The following SPAG16 variants were observed in gnomAD, a reference collection of about 807,000 sequenced individuals.
SPAG16 encodes sperm associated antigen 16, also known as sperm-associated antigen 16 protein.
SPAG16 carries 86 observed loss-of-function variants against 80.4 expected under a neutral mutation model. That is an observed-to-expected ratio of 1.07 (90% confidence interval 0.90 to 1.28). The LOEUF (loss-of-function observed/expected upper bound fraction) is 1.28, where lower values mean the gene tolerates loss of function less well. Ranked by LOEUF, SPAG16 falls within the 50% of genes most tolerant of loss-of-function variation. SPAG16 has a pLI of 0.00. For synonymous variants in SPAG16, 294 were observed against 265.9 expected (o/e 1.11, Z -1.03); for missense variants, 870 against 765.3 (o/e 1.14, Z -1.61).
rs548095390 is a variant in SPAG16, at chr2:213,469,481, C to T, written c.943-20482C>T. Among the ~76,000 whole-genome samples, 594 of 151,550 alleles carry T rather than the reference C, an allele frequency of 3.9e-3. 4 individuals carry two copies. Among genetic ancestry groups the T allele is most frequent in the Non-Finnish European group, 4.7e-3 (320 of 67,916 alleles). On this transcript the variant is annotated intron_variant, in intron 9 of 15. Transcript: ENST00000331683. Reference sequence around the variant, plus strand: ...ACAATTACAGTCCTCATTTCTGCAGCTGGTCATGTGGTCATAGCTGGTATT... The same window carrying T: ...ACAATTACAGTCCTCATTTCTGCAGTTGGTCATGTGGTCATAGCTGGTATT...
chr2:214,409,193 A>G (rs966130581), intron 15 of SPAG16, among the ~76,000 whole-genome samples: 5 of 151,916 alleles, frequency 3.3e-5, no homozygotes, highest in Admixed American at 6.6e-5. Flanking sequence ...CATATCAAGC[A>G]CTAAATATAG....
intron 5 of SPAG16, among the ~76,000 whole-genome samples, chr2:213,321,310 C>G (rs146000594): frequency 1.3e-5 from 2 of 151,904 alleles, no homozygotes; most frequent in Non-Finnish European, 2.9e-5. Flanking sequence ...TCTTAAAGTT[C>G]AAATACCTGG....
At chr2:213,755,225 C>A (rs1447228000) in intron 10 of SPAG16, among the ~76,000 whole-genome samples, 1 of 152,072 alleles carries the variant, frequency 6.6e-6, no homozygotes, top group African/African-American at 2.4e-5. Flanking sequence ...CCAGGGTTAT[C>A]AATCCATGCA....
At chr2:214,047,733 A>G (rs1411563269) in intron 13 of SPAG16, among the ~76,000 whole-genome samples, 1 of 152,214 alleles carries the variant, frequency 6.6e-6, no homozygotes, top group Non-Finnish European at 1.5e-5. Flanking sequence ...AGCAAAGGAA[A>G]TAATCAAAGT....
chr2:213,370,179 C>G (rs906822065), intron 8 of SPAG16, among the ~76,000 whole-genome samples: 5 of 152,286 alleles, frequency 3.3e-5, no homozygotes, highest in African/African-American at 1.2e-4. Context: ...ACAATACAAG[C>G]AATCTCACTT....
intron 10 of SPAG16, among the ~76,000 whole-genome samples, chr2:213,706,410 A>G (rs2065754622): frequency 6.6e-6 from 1 of 152,244 alleles, no homozygotes; most frequent in Non-Finnish European, 1.5e-5. Flanking sequence ...GAATTCAAAC[A>G]TATTTATCAT....
At chr2:214,022,249 G>A (rs1046203178) in intron 13 of SPAG16, among the ~76,000 whole-genome samples, 13 of 151,888 alleles carry the variant, frequency 8.6e-5, no homozygotes, top group Middle Eastern at 3.4e-3. Flanking sequence ...ATCAATGTAC[G>A]TAATTGCATT....
At chr2:213,979,824 A>C (rs2045603703) in intron 12 of SPAG16, among the ~76,000 whole-genome samples, 1 of 152,066 alleles carries the variant, frequency 6.6e-6, no homozygotes, top group Non-Finnish European at 1.5e-5. Context: ...TCTGCTATGT[A>C]TAGTACTGTT....
chr2:214,066,427 C>G (rs1336234477), intron 13 of SPAG16, among the ~76,000 whole-genome samples: 28 of 152,116 alleles, frequency 1.8e-4, no homozygotes, highest in Non-Finnish European at 4.0e-4. Flanking sequence ...CCTAGTCTCC[C>G]CTATTTTACT....
At chr2:214,145,582 G>A (rs1388419883) in intron 14 of SPAG16, among the ~76,000 whole-genome samples, 2 of 152,040 alleles carry the variant, frequency 1.3e-5, no homozygotes, top group Non-Finnish European at 2.9e-5. Context: ...TTAACTTCAT[G>A]TCTATATGGT....
At chr2:214,076,696 T>C (rs924136228) in intron 13 of SPAG16, among the ~76,000 whole-genome samples, 14 of 152,100 alleles carry the variant, frequency 9.2e-5, no homozygotes, top group African/African-American at 3.4e-4. Flanking sequence ...GTAGTTCTTA[T>C]TATAGAATGT....
At chr2:213,659,866 A>G (rs563209568) in intron 10 of SPAG16, among the ~76,000 whole-genome samples, 1 of 152,294 alleles carries the variant, frequency 6.6e-6, no homozygotes, top group African/African-American at 2.4e-5. Flanking sequence ...ATATATTTAT[A>G]TACATCTGTA....
chr2:213,872,408 C>T (rs1435447246), intron 11 of SPAG16, among the ~76,000 whole-genome samples: 1 of 152,100 alleles, frequency 6.6e-6, no homozygotes, highest in African/African-American at 2.4e-5. Flanking sequence ...TCTTCCACAA[C>T]TATAGTTGAG....
At chr2:214,068,248 T>G (rs2050623044) in intron 13 of SPAG16, among the ~76,000 whole-genome samples, 1 of 152,208 alleles carries the variant, frequency 6.6e-6, no homozygotes, top group South Asian at 2.1e-4. Context: ...TTGCCCAGTA[T>G]GCCATTTTGT....
At chr2:213,650,299 G>A (rs1317056499) in intron 10 of SPAG16, among the ~76,000 whole-genome samples, 2 of 152,128 alleles carry the variant, frequency 1.3e-5, no homozygotes, top group Non-Finnish European at 2.9e-5. Context: ...TAAGCCATAT[G>A]TAATCTACAA....
intron 13 of SPAG16, among the ~76,000 whole-genome samples, chr2:214,018,818 C>T (rs978172146): frequency 6.6e-6 from 1 of 152,084 alleles, no homozygotes; most frequent in Admixed American, 6.6e-5. Context: ...TTTAAACCTC[C>T]TTCTCCCACT....
chr2:213,428,620 C>G (rs772939350), intron 9 of SPAG16, among the ~76,000 whole-genome samples: 13 of 152,140 alleles, frequency 8.5e-5, no homozygotes, highest in Admixed American at 5.2e-4. Flanking sequence ...ATAGGGCTCT[C>G]TCCCTTCGTG....
chr2:214,082,835 C>A (rs1223350073), intron 13 of SPAG16, among the ~76,000 whole-genome samples: 1 of 152,128 alleles, frequency 6.6e-6, no homozygotes, highest in African/African-American at 2.4e-5. Context: ...CCTCATAGTT[C>A]TTCACTTTCA....
intron 10 of SPAG16, among the ~76,000 whole-genome samples, chr2:213,735,560 A>G (rs1209116324): frequency 1.3e-5 from 2 of 152,200 alleles, no homozygotes; most frequent in Non-Finnish European, 2.9e-5. Flanking sequence ...GTATCCAGCC[A>G]TTAGTCAAGA....
Sources: allele counts gnomAD v4.1 joint callset (sites outside exome capture counted in the v4.1 genomes callset), GRCh38; gene constraint gnomAD v4.1.1; transcripts MANE v1.5; gene names NCBI Gene and HGNC (gene_info 2026-07-23, HGNC 2026-07-21).